Variants in CNOT2 observed in about 807,000 individuals in gnomAD.
CNOT2 encodes the protein CCR4-NOT transcription complex subunit 2.
Under a neutral mutation model 72.1 loss-of-function variants are expected in CNOT2, and 7 were observed. That is an observed-to-expected ratio of 0.10 (90% confidence interval 0.06 to 0.18). The LOEUF is 0.18. Among genes scored for constraint, CNOT2 ranks in the 10% least tolerant of loss-of-function variants. The pLI, the probability that CNOT2 is intolerant of heterozygous loss-of-function variation, is 1.00. For synonymous variants in CNOT2, 196 were observed against 225.6 expected (o/e 0.87, Z 1.17); for missense variants, 345 against 660.3 (o/e 0.52, Z 5.23).
intron 2 of CNOT2, 69 bp downstream of exon 2, chr12:70,278,343 A>G (rs1431570895): frequency 5.7e-5 from 69 of 1,203,246 alleles, no homozygotes; most frequent in Non-Finnish European, 7.7e-5. Context: ...CAAATGTGTT[A>G]TATGTAATTG....
At chr12:70,244,007 A>G (rs78943832) in intron 1 of CNOT2, 14,566 of 152,274 alleles carry the variant, frequency 0.096, 902 homozygotes, top group Middle Eastern at 0.19. Flanking sequence ...CCTTCTCTCA[A>G]TACACGTATA....
chr12:70,247,993 G>T (rs1282245294), intron 1 of CNOT2, among the ~76,000 whole-genome samples: 1 of 152,190 alleles, frequency 6.6e-6, no homozygotes, highest in Non-Finnish European at 1.5e-5. Flanking sequence ...TGTAAAGTTA[G>T]TATGGAATTA....
intron 2 of CNOT2, among the ~76,000 whole-genome samples, chr12:70,305,771 G>A (rs7978772): frequency 0.029 from 4,466 of 151,616 alleles, 141 homozygotes; most frequent in African/African-American, 0.068. Context: ...CTTCAGGCCT[G>A]CCTCTTACTT....
rs2135866518 is a variant in CNOT2, at chr12:70,291,216, A to ATTAGTATT, written c.48+12942_48+12943insTTAGTATT. Among the ~76,000 whole-genome samples the ATTAGTATT allele has an allele frequency of 2.0e-5, 3 of 152,304 alleles. No homozygotes were observed. The South Asian group carries it at 6.2e-4, about 32-fold the overall frequency. ...AAAATTTTACCAATAAGCATTTCTT[A>ATTAGTATT]CTTTAAAAAAATCTGTGTTGTATAG... On this transcript the variant is annotated intron_variant, in intron 2 of 15. Coordinates refer to ENST00000229195, the MANE Select transcript of CNOT2 (RefSeq NM_014515.7).
intron 3 of CNOT2, among the ~76,000 whole-genome samples, chr12:70,316,296 A>T (rs1009943098): frequency 1.3e-5 from 2 of 152,194 alleles, no homozygotes; most frequent in Non-Finnish European, 2.9e-5. Flanking sequence ...GAATTTAAAA[A>T]ATATATACAT....
chr12:70,323,014 G>A (rs1878533554), intron 4 of CNOT2: 1 of 151,626 alleles, frequency 6.6e-6, no homozygotes, highest in South Asian at 2.1e-4. Context: ...AAGATACCAT[G>A]TGCAGAATGG....
intron 2 of CNOT2, among the ~76,000 whole-genome samples, chr12:70,281,453 C>G (rs145448429): frequency 6.6e-6 from 1 of 152,164 alleles, no homozygotes; most frequent in Non-Finnish European, 1.5e-5. Context: ...AAATTCTGGC[C>G]TCCTTACATC....
chr12:70,265,143 A>G (rs1446314148), intron 1 of CNOT2, among the ~76,000 whole-genome samples: 1 of 152,074 alleles, frequency 6.6e-6, no homozygotes, highest in African/African-American at 2.4e-5. Context: ...GGTATCAGTA[A>G]TGCCTCAAAA....
Position 70,283,652 on chromosome 12 carries a change from A to AC in CNOT2, c.48+5378_48+5379insC, listed in dbSNP as rs1339520172. ...ACCTAATGAAAGAATGAGTTTAAAA[A>AC]AAAAAAAAAAAAAAAGGAAAAAAGC... On this transcript the variant is annotated intron_variant, in intron 2 of 15. Transcript: ENST00000229195. Among the ~76,000 whole-genome samples the AC allele has an allele frequency of 5.7e-3, 758 of 134,052 alleles. 8 individuals are homozygous for AC. Among genetic ancestry groups the AC allele is most frequent in the African/African-American group, 0.018 (704 of 38,952 alleles). 87.9% of individuals were successfully genotyped at this position (134,052 alleles called of 152,430 possible). A position where few individuals can be genotyped will look rare whatever the true frequency, so the allele number is the denominator to read the frequency against.
chr12:70,250,663 C>A (rs1038577129), intron 1 of CNOT2, among the ~76,000 whole-genome samples: 1 of 152,050 alleles, frequency 6.6e-6, no homozygotes, highest in Admixed American at 6.6e-5. Context: ...GAGAAGACTT[C>A]TGTGGAGGTA....
intron 1 of CNOT2, among the ~76,000 whole-genome samples, chr12:70,262,758 C>A (rs568846148): frequency 3.3e-5 from 5 of 151,764 alleles, no homozygotes; most frequent in Non-Finnish European, 5.9e-5. Flanking sequence ...ACCGCAACCT[C>A]TACCTCCCGG....
intron 2 of CNOT2, among the ~76,000 whole-genome samples, chr12:70,298,064 A>G (rs1477908643): frequency 6.6e-6 from 1 of 152,196 alleles, no homozygotes; most frequent in South Asian, 2.1e-4. Flanking sequence ...TTGGTATAAT[A>G]GTATTTCTTT....
intron 1 of CNOT2, among the ~76,000 whole-genome samples, chr12:70,261,340 A>AGTCTT (rs1958747320): frequency 2.0e-5 from 1 of 50,228 alleles, no homozygotes; most frequent in South Asian, 8.0e-4. Context: ...TTTGAGACGG[A>AGTCTT]GTCTTGTTCT....
intron 1 of CNOT2, among the ~76,000 whole-genome samples, chr12:70,266,142 T>C (rs1328253125): frequency 1.3e-5 from 2 of 152,026 alleles, no homozygotes; most frequent in Non-Finnish European, 1.5e-5. Context: ...AGTTCTCTCT[T>C]GTTGCCCAGG....
intron 1 of CNOT2, among the ~76,000 whole-genome samples, chr12:70,270,348 T>TGAA (rs1959189888): frequency 6.6e-6 from 1 of 152,138 alleles, no homozygotes; most frequent in Non-Finnish European, 1.5e-5. Flanking sequence ...CTGCACTGCC[T>TGAA]GAAAATTTTG....
intron 2 of CNOT2, among the ~76,000 whole-genome samples, chr12:70,303,630 C>G (rs1158207089): frequency 7.9e-5 from 12 of 152,192 alleles, no homozygotes; most frequent in Non-Finnish European, 2.9e-5. Context: ...CCCGACCTTT[C>G]TCTCTGGATG....
intron 2 of CNOT2, among the ~76,000 whole-genome samples, chr12:70,288,174 G>A (rs192688741): frequency 2.6e-4 from 27 of 102,980 alleles, no homozygotes; most frequent in Admixed American, 4.3e-4. Context: ...ACGGAGTTTC[G>A]CTCTTGTTGC....
chr12:70,255,033 A>G (rs2135714715), intron 1 of CNOT2, among the ~76,000 whole-genome samples: 1 of 151,230 alleles, frequency 6.6e-6, no homozygotes, highest in African/African-American at 2.4e-5. Flanking sequence ...GGCTTATTGG[A>G]CTTTGGGAGG....
intron 2 of CNOT2, chr12:70,297,844 TCTCCTGCCTCGGC>T (rs1162934535): frequency 3.9e-6 from 1 of 257,378 alleles, no homozygotes; most frequent in East Asian, 1.6e-4. Context: ...TTCAAGTGAT[TCTCCTGCCTCGGC>T]CTCCAAGTAG....
Sources: gnomAD v4.1 joint callset for allele counts (sites outside exome capture counted in the v4.1 genomes callset) on GRCh38, gnomAD v4.1.1 for gene constraint, MANE v1.5 for transcripts, NCBI Gene and HGNC (gene_info 2026-07-23, HGNC 2026-07-21) for gene names.